Variants in CCDC91 observed in about 807,000 individuals in gnomAD.
CCDC91 encodes the protein coiled-coil domain-containing protein 91.
In CCDC91, 48 loss-of-function variants were observed where a neutral mutation model predicts 63.2. The observed-to-expected ratio is 0.76, with a 90% CI of 0.60 to 0.97. CCDC91 has a LOEUF of 0.97. Among genes scored for constraint, CCDC91 ranks in the 50% least tolerant of loss-of-function variants. The pLI is 0.00. For synonymous variants in CCDC91, 167 were observed against 165.8 expected, an observed-to-expected ratio of 1.01 and a Z score of -0.06; for missense variants, 500 against 494.6, an observed-to-expected ratio of 1.01 and a Z score of -0.10.
chr12:28,211,194 A>G (rs559090946), intron 1 of CCDC91, among the ~76,000 whole-genome samples: 2 of 151,512 alleles, frequency 1.3e-5, no homozygotes, highest in South Asian at 4.2e-4. Context: ...CATTCATTTA[A>G]CCAGTTTGAA....
intron 7 of CCDC91, among the ~76,000 whole-genome samples, chr12:28,369,089 T>A (rs901501085): frequency 1.3e-5 from 2 of 152,132 alleles, no homozygotes; most frequent in African/African-American, 4.8e-5. Context: ...CAAAATACAA[T>A]TATGCCTTCC....
intron 7 of CCDC91, among the ~76,000 whole-genome samples, chr12:28,387,197 G>T (rs1374326716): frequency 6.6e-6 from 1 of 152,026 alleles, no homozygotes; most frequent in Non-Finnish European, 1.5e-5. Context: ...CTAATAGTAG[G>T]GACAGTTTTG....
At chr12:28,418,534 A>G (rs1428535411) in intron 8 of CCDC91, among the ~76,000 whole-genome samples, 3 of 152,102 alleles carry the variant, frequency 2.0e-5, no homozygotes, top group African/African-American at 4.8e-5. Context: ...CTTTAATGAG[A>G]TATAATGTGC....
intron 12 of CCDC91, among the ~76,000 whole-genome samples, chr12:28,522,905 G>A (rs146065186): frequency 9.3e-4 from 142 of 152,246 alleles, no homozygotes; most frequent in African/African-American, 3.2e-3. Context: ...TCTTAATCGT[G>A]AGTTCTAGTT....
At chr12:28,405,673 C>G (rs1042828671) in intron 8 of CCDC91, among the ~76,000 whole-genome samples, 22 of 152,136 alleles carry the variant, frequency 1.4e-4, no homozygotes, top group Non-Finnish European at 2.5e-4. Flanking sequence ...GCATCCATCC[C>G]TTTCAGGGCT....
Position 28,259,352 on chromosome 12 carries a change from T to G in CCDC91, c.31-12T>G. On this transcript the variant is annotated splice_polypyrimidine_tract_variant and intron_variant, in intron 2 of 12. Transcript: ENST00000536442. ...TCACATCTTCTAAAATAATCTTGCC[T>G]TTGTCTTGTAGGCTGCGGAGACTTT... 1.2e-6 allele frequency: 2 copies of G among 1,604,380 alleles called. No homozygotes were observed. The highest frequency in any genetic ancestry group is 1.7e-6 in the Non-Finnish European group (2 of 1,172,110).
chr12:28,362,280 T>TTATA lies in CCDC91; in HGVS notation c.577-146_577-143dup, dbSNP rs71438746. The stretch of plus-strand genomic sequence containing the variant: ...TTCTCCAATGCTTTTAAGCAAAGCT[T>TTATA]TATATATATATATATGTTTTCTCTT... On this transcript the variant is annotated intron_variant, in intron 6 of 12. Transcript: ENST00000536442. Among the ~76,000 whole-genome samples, 1,022 of 131,782 alleles carry TTATA rather than the reference T, an allele frequency of 7.8e-3. 77 individuals carry two copies. Among genetic ancestry groups the TTATA allele is most frequent in the Middle Eastern group, 0.015 (4 of 260 alleles). 86.5% of individuals were successfully genotyped at this position (131,782 alleles called of 152,430 possible). A position where few individuals can be genotyped will look rare whatever the true frequency, so the allele number is the denominator to read the frequency against.
Position 28,433,294 on chromosome 12 carries a change from T to C in CCDC91, c.763-16867T>C, listed in dbSNP as rs138879070. Among the ~76,000 whole-genome samples, 3 of 152,122 alleles carry C rather than the reference T, an allele frequency of 2.0e-5. 1 individual carries two copies. Among genetic ancestry groups the C allele is most frequent in the South Asian group, 2.1e-4 (1 of 4,828 alleles). On this transcript the variant is annotated intron_variant, in intron 8 of 12. Transcript: ENST00000536442. ...GTGTTATATTTAAAAGTCATTGCTGTACTTAAGATCATCTAGATTGCTTTC... is the reference window on the plus strand; with the variant it reads ...GTGTTATATTTAAAAGTCATTGCTGCACTTAAGATCATCTAGATTGCTTTC...
At chr12:28,292,023 T>C (rs1298190193) in intron 3 of CCDC91, among the ~76,000 whole-genome samples, 1 of 152,244 alleles carries the variant, frequency 6.6e-6, no homozygotes, top group African/African-American at 2.4e-5. Flanking sequence ...AATGCGTTGT[T>C]GATGTTGCGA....
At chr12:28,460,610 A>G (rs1003231555) in intron 11 of CCDC91, among the ~76,000 whole-genome samples, 7 of 152,152 alleles carry the variant, frequency 4.6e-5, no homozygotes, top group Non-Finnish European at 8.8e-5. Flanking sequence ...AACCATAACT[A>G]TCATGCAAAT....
intron 12 of CCDC91, among the ~76,000 whole-genome samples, chr12:28,517,998 C>T (rs11049688): frequency 0.096 from 14,631 of 151,800 alleles, 1,844 homozygotes; most frequent in African/African-American, 0.3. Context: ...AGTATTCTAT[C>T]GTGTATGTAG....
At chr12:28,235,388 A>G (rs1197118110) in intron 1 of CCDC91, among the ~76,000 whole-genome samples, 2 of 152,150 alleles carry the variant, frequency 1.3e-5, no homozygotes, top group African/African-American at 2.4e-5. Context: ...GTGGATGTCA[A>G]TGTTAAAGAC....
chr12:28,288,127 T>G (rs1346305670), intron 3 of CCDC91, among the ~76,000 whole-genome samples: 2 of 152,216 alleles, frequency 1.3e-5, no homozygotes, highest in East Asian at 1.9e-4. Flanking sequence ...TTTCTAGATA[T>G]AGAATCATGT....
At position 28,549,947 on chromosome 12, in the gene CCDC91, T is replaced by C. The variant is rs1943221231; in HGVS notation, c.*774T>C. 2 of 152,462 alleles carry C rather than the reference T, an allele frequency of 1.3e-5. No homozygotes were observed. The highest frequency in any genetic ancestry group is 2.9e-5 in the Non-Finnish European group (2 of 68,000). 9.4% of individuals were successfully genotyped at this position (152,462 alleles called of 1,614,324 possible). On this transcript the variant is annotated 3_prime_UTR_variant, in exon 13 of 13. Transcript: ENST00000536442. ...CCATTTATAGGAATTTAGGTTCAAGTACAGGATATATGAAATCTTTTCCCA... is the reference window on the plus strand; with the variant it reads ...CCATTTATAGGAATTTAGGTTCAAGCACAGGATATATGAAATCTTTTCCCA...
intron 6 of CCDC91, among the ~76,000 whole-genome samples, chr12:28,353,254 G>A (rs1292268790): frequency 6.6e-6 from 1 of 152,170 alleles, no homozygotes; most frequent in Non-Finnish European, 1.5e-5. Flanking sequence ...TGGCTTAGGG[G>A]GAAATGTTGT....
chr12:28,272,593 T>C (rs1335338239), intron 3 of CCDC91, among the ~76,000 whole-genome samples: 1 of 152,098 alleles, frequency 6.6e-6, no homozygotes, highest in East Asian at 1.9e-4. Flanking sequence ...TTCAATTTTC[T>C]TTCTTTCCTT....
At chr12:28,280,216 TTAG>T (rs144936762) in intron 3 of CCDC91, among the ~76,000 whole-genome samples, 1,615 of 152,286 alleles carry the variant, frequency 0.011, 34 homozygotes, top group African/African-American at 0.037. Context: ...CTATAAGATT[TTAG>T]TAGAACTTTT....
At chr12:28,463,592 A>G (rs1288449824) in intron 11 of CCDC91, among the ~76,000 whole-genome samples, 1 of 152,214 alleles carries the variant, frequency 6.6e-6, no homozygotes, top group Non-Finnish European at 1.5e-5. Context: ...GAAAGGACAG[A>G]TAAACACTTT....
rs181282857 is a variant in CCDC91 at position 28,281,535 on chromosome 12, C to T, written c.109+22093C>T. ...TGGACTTTAATCACATACAAAATACCTTCACAGCAACATCTAGATTAGTGT... is the reference window on the plus strand; with the variant it reads ...TGGACTTTAATCACATACAAAATACTTTCACAGCAACATCTAGATTAGTGT... On this transcript the variant is annotated intron_variant, in intron 3 of 12. Coordinates refer to ENST00000536442, the MANE Select transcript of CCDC91 (RefSeq NM_018318.5). Among the ~76,000 whole-genome samples, 296 of 152,254 alleles carry T rather than the reference C, an allele frequency of 1.9e-3. 3 individuals are homozygous for T. The highest frequency in any genetic ancestry group is 6.7e-3 in the African/African-American group (278 of 41,550).
Sources: gnomAD v4.1 joint callset for allele counts (sites outside exome capture counted in the v4.1 genomes callset) on GRCh38, gnomAD v4.1.1 for gene constraint, MANE v1.5 for transcripts, NCBI Gene and HGNC (gene_info 2026-07-23, HGNC 2026-07-21) for gene names.